The following CNTNAP2 variants were observed in gnomAD, a reference collection of about 807,000 sequenced individuals.
CNTNAP2 encodes contactin associated protein 2.
A neutral mutation model predicts 155.2 loss-of-function variants in CNTNAP2; 98 were observed. That is an observed-to-expected ratio of 0.63 (90% confidence interval 0.54 to 0.75). The LOEUF (loss-of-function observed/expected upper bound fraction) is 0.75. Ranked by LOEUF, CNTNAP2 falls within the 30% of genes least tolerant of loss-of-function variation. CNTNAP2 has a pLI of 0.00. For missense variants in CNTNAP2, 1,727 were observed against 1,688.1 expected, an observed-to-expected ratio of 1.02 and a Z score of -0.40; for synonymous variants, 651 against 631.2, an observed-to-expected ratio of 1.03 and a Z score of -0.47.
intron 2 of CNTNAP2, among the ~76,000 whole-genome samples, chr7:146,820,935 T>C (rs931060174): frequency 2.0e-5 from 3 of 152,174 alleles, no homozygotes; most frequent in Admixed American, 6.5e-5. Context: ...TCTTTGTCTC[T>C]TTTGATCTTT....
chr7:146,459,997 G>A (rs1208944265), intron 1 of CNTNAP2, among the ~76,000 whole-genome samples: 2 of 151,780 alleles, frequency 1.3e-5, no homozygotes, highest in Non-Finnish European at 2.9e-5. Context: ...AAACAAAACA[G>A]AAAACAGGGG....
chr7:147,192,967 C>G (rs951805762), intron 8 of CNTNAP2, among the ~76,000 whole-genome samples: 3 of 152,134 alleles, frequency 2.0e-5, no homozygotes, highest in African/African-American at 7.2e-5. Context: ...TGTATTTTTG[C>G]AGTCTACCAA....
At position 147,212,672 on chromosome 7, in the gene CNTNAP2, C is replaced by T. The variant is rs765266971; in HGVS notation, c.1348+80163C>T. Reference sequence around the variant, plus strand: ...CCCAGGTGATGGGATCAGTTGTATCCCAAACCTCAGCATCACAAATATACC... The same window carrying T: ...CCCAGGTGATGGGATCAGTTGTATCTCAAACCTCAGCATCACAAATATACC... On this transcript the variant is annotated intron_variant, in intron 8 of 23. Coordinates refer to ENST00000361727, the MANE Select transcript of CNTNAP2 (RefSeq NM_014141.6). Among the ~76,000 whole-genome samples, 76 of 152,002 alleles carry T rather than the reference C, an allele frequency of 5.0e-4. 1 individual carries two copies. The highest frequency in any genetic ancestry group is 6.3e-4 in the Non-Finnish European group (43 of 67,986).
chr7:146,348,556 T>C lies in CNTNAP2; in HGVS notation c.97+231583T>C, dbSNP rs553303179. Among the ~76,000 whole-genome samples, 3 of 152,172 alleles carry C rather than the reference T, an allele frequency of 2.0e-5. No individual in the cohort carries two copies. The South Asian group carries it at 6.2e-4, about 31-fold the overall frequency. ...TGTATATTAATTTACAATTAATTTA[T>C]TCAGAAGTTTTACTTGAAAACTTTT... On this transcript the variant is annotated intron_variant, in intron 1 of 23. Transcript: ENST00000361727.
chr7:146,987,266 T>C (rs187804925), intron 3 of CNTNAP2, among the ~76,000 whole-genome samples: 111 of 152,300 alleles, frequency 7.3e-4, no homozygotes, highest in South Asian at 1.2e-3. Flanking sequence ...TTATCCTTTT[T>C]TGTAAAGGCC....
At chr7:148,389,300 G>A (rs1799291870) in intron 22 of CNTNAP2, among the ~76,000 whole-genome samples, 2 of 152,152 alleles carry the variant, frequency 1.3e-5, no homozygotes, top group Non-Finnish European at 2.9e-5. Flanking sequence ...CCATGCTGTT[G>A]TCGTGACAGT....
chr7:148,393,609 T>C (rs1224863067), intron 22 of CNTNAP2, among the ~76,000 whole-genome samples: 2 of 152,242 alleles, frequency 1.3e-5, no homozygotes, highest in African/African-American at 4.8e-5. Context: ...CATGATTTTG[T>C]TGAGTCAAAG....
chr7:146,798,941 G>A (rs768180758), intron 2 of CNTNAP2, among the ~76,000 whole-genome samples: 18 of 152,118 alleles, frequency 1.2e-4, no homozygotes, highest in Non-Finnish European at 2.1e-4. Context: ...AGTACATTAT[G>A]TGAGCTAAAT....
chr7:148,012,048 C>T (rs1300793594), intron 15 of CNTNAP2, among the ~76,000 whole-genome samples: 6 of 152,196 alleles, frequency 3.9e-5, no homozygotes, highest in African/African-American at 1.4e-4. Context: ...GCTCACCACT[C>T]TGATGTTCTT....
At chr7:148,068,495 C>T (rs1803312484) in intron 15 of CNTNAP2, among the ~76,000 whole-genome samples, 2 of 152,220 alleles carry the variant, frequency 1.3e-5, no homozygotes, top group Admixed American at 1.3e-4. Flanking sequence ...TTTCCCTCCT[C>T]ACGCTTTGGG....
At chr7:146,537,237 A>T (rs1265019304) in intron 1 of CNTNAP2, among the ~76,000 whole-genome samples, 3 of 152,136 alleles carry the variant, frequency 2.0e-5, no homozygotes, top group African/African-American at 7.2e-5. Context: ...GGTATTTAGG[A>T]GATAAATCTG....
At chr7:148,088,378 C>A (rs1417204543) in intron 15 of CNTNAP2, among the ~76,000 whole-genome samples, 2 of 151,230 alleles carry the variant, frequency 1.3e-5, no homozygotes, top group African/African-American at 4.9e-5. Flanking sequence ...AACAAAACTA[C>A]AAGTTGGTTT....
intron 1 of CNTNAP2, among the ~76,000 whole-genome samples, chr7:146,636,577 A>T (rs1315796336): frequency 2.6e-5 from 4 of 152,214 alleles, no homozygotes; most frequent in African/African-American, 9.6e-5. Flanking sequence ...TTATTTTACA[A>T]CCTATGCTCA....
At chr7:147,555,282 A>C (rs191674908) in intron 11 of CNTNAP2, among the ~76,000 whole-genome samples, 1 of 152,212 alleles carries the variant, frequency 6.6e-6, no homozygotes, top group Non-Finnish European at 1.5e-5. Context: ...ATACCAACCC[A>C]GATAAGCCCC....
intron 9 of CNTNAP2, among the ~76,000 whole-genome samples, chr7:147,372,467 A>G (rs1029685544): frequency 6.6e-6 from 1 of 152,070 alleles, no homozygotes; most frequent in Non-Finnish European, 1.5e-5. Flanking sequence ...TTAAGTTGGT[A>G]TATTCAACTG....
At chr7:147,770,882 G>A (rs1014208927) in intron 13 of CNTNAP2, among the ~76,000 whole-genome samples, 2 of 152,128 alleles carry the variant, frequency 1.3e-5, no homozygotes, top group African/African-American at 4.8e-5. Context: ...GAAAAGCCTA[G>A]GGCCAAGACT....
chr7:146,706,638 C>G (rs1800970380), intron 1 of CNTNAP2, among the ~76,000 whole-genome samples: 1 of 151,996 alleles, frequency 6.6e-6, no homozygotes, highest in Non-Finnish European at 1.5e-5. Flanking sequence ...GACCTGGAGG[C>G]CATTATCCTT....
chr7:148,171,555 A>G (rs1321810012), intron 17 of CNTNAP2, among the ~76,000 whole-genome samples: 2 of 152,224 alleles, frequency 1.3e-5, no homozygotes, highest in East Asian at 3.8e-4. Flanking sequence ...GTCCAACTCT[A>G]TAACTTACTC....
At chr7:147,408,887 T>C (rs182069003) in intron 10 of CNTNAP2, among the ~76,000 whole-genome samples, 4 of 152,276 alleles carry the variant, frequency 2.6e-5, no homozygotes, top group Admixed American at 2.6e-4. Flanking sequence ...TCTGATTACC[T>C]GGGCAGAGGT....
Sources: allele counts gnomAD v4.1 joint callset (sites outside exome capture counted in the v4.1 genomes callset), GRCh38; gene constraint gnomAD v4.1.1; transcripts MANE v1.5; gene names NCBI Gene and HGNC (gene_info 2026-07-23, HGNC 2026-07-21).